Variants in SOX7 observed in about 807,000 individuals in gnomAD.
The protein encoded by SOX7 is transcription factor SOX-7.
In SOX7, 19 loss-of-function variants were observed where a neutral mutation model predicts 24.9. The ratio of observed to expected loss-of-function variants is 0.76; its 90% confidence interval spans 0.53 to 1.12. The LOEUF is 1.12. Among genes scored for constraint, SOX7 ranks in the 50% most tolerant of loss-of-function variants. SOX7 has a pLI of 0.00. For synonymous variants in SOX7, 327 were observed against 244.5 expected, an observed-to-expected ratio of 1.34 and a Z score of -3.15; for missense variants, 702 against 535.0, an observed-to-expected ratio of 1.31 and a Z score of -3.08.
At position 10,726,770 on chromosome 8, in the gene SOX7, TC is replaced by T; in HGVS notation, c.239-105del. On this transcript the variant is annotated intron_variant, in intron 1 of 1. Transcript: ENST00000304501. ...CGTGCACATGCACACACACCTCCCT[TC>T]CCCCTCCCAGCCACAGAGGACACGG... 1.9e-6 allele frequency: 2 copies of T among 1,061,196 alleles called. 1 individual carries two copies. The highest frequency in any genetic ancestry group is 5.3e-4 in the Middle Eastern group (2 of 3,744). 65.7% of individuals were successfully genotyped at this position (1,061,196 alleles called of 1,614,324 possible). A position where few individuals can be genotyped will look rare whatever the true frequency, so the allele number is the denominator to read the frequency against.
rs771409658 is a variant in SOX7 at position 10,730,177 on chromosome 8, C to A, written c.238+19G>T. The A allele has an allele frequency of 2.7e-6, 4 of 1,490,294 alleles. No individual in the cohort carries two copies. The highest frequency in any genetic ancestry group is 3.6e-6 in the Non-Finnish European group (4 of 1,125,436). The allele number at this position is 1,490,294 out of a possible 1,614,324, so 92.3% of individuals were successfully genotyped here. A position where few individuals can be genotyped will look rare whatever the true frequency, so the allele number is the denominator to read the frequency against. On this transcript the variant is annotated intron_variant, in intron 1 of 1. Coordinates refer to ENST00000304501, the MANE Select transcript of SOX7 (RefSeq NM_031439.4). This position sits in a 1 kb window ranked among gnomAD's most constrained non-coding sequence, Gnocchi z 4.8. Reference sequence around the variant, plus strand: ...GCCCGCCCCCGGCCCCCAGCCCGCTCGGCCGCGCGCTCACTCACCCAGCAT... The same window carrying A: ...GCCCGCCCCCGGCCCCCAGCCCGCTAGGCCGCGCGCTCACTCACCCAGCAT...
intron 1 of SOX7, among the ~76,000 whole-genome samples, chr8:10,727,780 C>T (rs1800184459): frequency 6.6e-6 from 1 of 152,160 alleles, no homozygotes; most frequent in Non-Finnish European, 1.5e-5. Context: ...TACCATGATG[C>T]TAATGTGTCC....
chr8:10,725,427 G>C lies in SOX7; in HGVS notation c.*311C>G. 2.6e-6 allele frequency: 1 copy of C among 388,178 alleles called. No homozygotes were observed. The highest frequency in any genetic ancestry group is 4.7e-6 in the Non-Finnish European group (1 of 214,456). 24.0% of individuals were successfully genotyped at this position (388,178 alleles called of 1,614,324 possible). ...TCAAGTCTGTCCCCCCATTAGTTTC[G>C]ATGATGGCTACCAAGAAAAGACGTC... On this transcript the variant is annotated 3_prime_UTR_variant, in exon 2 of 2. Coordinates refer to ENST00000304501, the MANE Select transcript of SOX7 (RefSeq NM_031439.4).
chr8:10,726,311 C>T lies in SOX7; in HGVS notation c.594G>A (p.Pro198=), dbSNP rs371859835. ...TTTCAGGAGGTGTGGGCAGCCCGTA[C>T]GGGTACGTGTCCACACTGCTCGGGG... is the stretch of plus-strand genomic sequence containing the variant. The part of the protein sequence containing the change: ...GGTPSSVDTY[P]YGLPTPPEMS... Residue 198 remains proline, a synonymous_variant, in exon 2 of 2, where the codon CCG becomes CCA. Transcript: ENST00000304501. 52 of 1,613,560 alleles carry T rather than the reference C, an allele frequency of 3.2e-5. No homozygotes were observed. Among genetic ancestry groups the T allele is most frequent in the Non-Finnish European group, 3.8e-5 (45 of 1,179,934 alleles).
chr8:10,730,468 G>C lies in SOX7; in HGVS notation c.-35C>G. On this transcript the variant is annotated 5_prime_UTR_variant, in exon 1 of 2. Transcript: ENST00000304501. The surrounding 1 kb of genome is among the most constrained non-coding windows in gnomAD (Gnocchi z 4.8). ...CGGGTCGCCTCGCTTCGCCTGGCGG[G>C]GCAGGCGCGGACCTGGCCCTCGCAC... is the stretch of plus-strand genomic sequence containing the variant. 1 of 1,392,258 alleles carries C rather than the reference G, an allele frequency of 7.2e-7. No homozygotes were observed. The highest frequency in any genetic ancestry group is 9.3e-7 in the Non-Finnish European group (1 of 1,071,424). 86.2% of individuals were successfully genotyped at this position (1,392,258 alleles called of 1,614,324 possible). A position where few individuals can be genotyped will look rare whatever the true frequency, so the allele number is the denominator to read the frequency against.
chr8:10,726,767 C>A, intron 1 of SOX7, 101 bp from the exon 2 acceptor site: 1 of 1,072,248 alleles, frequency 9.3e-7, no homozygotes, highest in Non-Finnish European at 1.3e-6. Context: ...CACACACCTC[C>A]CTTCCCCCTC....
rs1283330468 is a variant in SOX7 at position 10,726,234 on chromosome 8, C to G, written c.671G>C (p.Cys224Ser). Residue 224 changes from cysteine (C) to serine (S), a missense_variant, in exon 2 of 2, where the codon TGC becomes TCC. Coordinates refer to ENST00000304501, the MANE Select transcript of SOX7 (RefSeq NM_031439.4). ...EPEQTFFSSP[C>S]QEEHGHPRRI... The stretch of plus-strand genomic sequence containing the variant: ...GCGGGGATGGCCATGCTCCTCCTGG[C>G]AGGGGGAGGAGAAGAAGGTCTGCTC... 1 of 1,613,580 alleles carries G rather than the reference C, an allele frequency of 6.2e-7. No individual in the cohort carries two copies. The highest frequency in any genetic ancestry group is 1.1e-5 in the South Asian group (1 of 91,054).
At chr8:10,728,556 C>G (rs992204554) in intron 1 of SOX7, among the ~76,000 whole-genome samples, 6 of 152,242 alleles carry the variant, frequency 3.9e-5, no homozygotes, top group African/African-American at 1.4e-4. Context: ...AGGAAGGAAT[C>G]TGTGTCTTTT....
rs1800129087 is a variant in SOX7, at chr8:10,725,615, G to A, written c.*123C>T. 7.8e-6 allele frequency: 8 copies of A among 1,022,088 alleles called. No individual in the cohort carries two copies. Among genetic ancestry groups the A allele is most frequent in the South Asian group, 1.5e-5 (1 of 65,318 alleles). The allele number at this position is 1,022,088 out of a possible 1,614,324, so 63.3% of individuals were successfully genotyped here. A position where few individuals can be genotyped will look rare whatever the true frequency, so the allele number is the denominator to read the frequency against. On this transcript the variant is annotated 3_prime_UTR_variant, in exon 2 of 2. Coordinates refer to ENST00000304501, the MANE Select transcript of SOX7 (RefSeq NM_031439.4). ...AGCTTAGGCCAAAGGCTCTGGGGCC[G>A]CAGTTCAGACCTCCCTGCCCTGAGC...
intron 1 of SOX7, chr8:10,729,289 G>T (rs10089739): frequency 0.029 from 4,360 of 152,370 alleles, 75 homozygotes; most frequent in Middle Eastern, 0.084. Context: ...CCGGCCTCGG[G>T]TGCCCTTCTT....
At chr8:10,727,461 T>C (rs536759183) in intron 1 of SOX7, among the ~76,000 whole-genome samples, 2 of 152,228 alleles carry the variant, frequency 1.3e-5, no homozygotes, top group Admixed American at 1.3e-4. Flanking sequence ...CCCTGCACTT[T>C]CCAGAGTCTC....
chr8:10,728,635 A>G (rs1033850087), intron 1 of SOX7, among the ~76,000 whole-genome samples: 1 of 152,230 alleles, frequency 6.6e-6, no homozygotes, highest in Non-Finnish European at 1.5e-5. Context: ...CGCAGGAAGC[A>G]TCTGTCTCCT....
intron 1 of SOX7, 105 bp from the exon 2 acceptor site, chr8:10,726,771 C>T: frequency 1.9e-6 from 2 of 1,047,984 alleles, no homozygotes; most frequent in East Asian, 2.6e-5. Flanking sequence ...CACCTCCCTT[C>T]CCCCTCCCAG....
Position 10,725,844 on chromosome 8 carries a change from T to G in SOX7, c.1061A>C (p.His354Pro). 1 of 1,614,150 alleles carries G rather than the reference T, an allele frequency of 6.2e-7. No individual in the cohort carries two copies. Among genetic ancestry groups the G allele is most frequent in the East Asian group, 2.2e-5 (1 of 44,860 alleles). ...SATGAMALSG[H>P]VPVSQVTPTG... is the part of the protein sequence containing the mutation. ...TGGTGTCACCTGGGAGACCGGAACA[T>G]GCCCACTGAGGGCCATGGCCCCTGT... The change falls in exon 2 of 2, where the codon CAT becomes CCT. Residue 354 changes from histidine (H) to proline (P), a missense_variant. Physicochemically the swap from His to Pro is moderately conservative, Grantham distance 77. Coordinates refer to ENST00000304501, the MANE Select transcript of SOX7 (RefSeq NM_031439.4).
At chr8:10,728,888 A>T (rs895354955) in intron 1 of SOX7, among the ~76,000 whole-genome samples, 2 of 152,270 alleles carry the variant, frequency 1.3e-5, no homozygotes, top group Non-Finnish European at 2.9e-5. Flanking sequence ...CTGAAGAAAA[A>T]TATAAACTTA....
intron 1 of SOX7, chr8:10,729,359 C>G (rs1380942255): frequency 6.6e-6 from 1 of 152,142 alleles, no homozygotes; most frequent in Non-Finnish European, 1.5e-5. Flanking sequence ...CGGATTAAAA[C>G]GAATAAAAAC....
rs145950261 is a variant in SOX7 at position 10,724,657 on chromosome 8, G to C, written c.*1081C>G. On this transcript the variant is annotated 3_prime_UTR_variant, in exon 2 of 2. Coordinates refer to ENST00000304501, the MANE Select transcript of SOX7 (RefSeq NM_031439.4). ...ATATCTGATTTAGACTTTGAGTTTA[G>C]GAGTTGCATGAAGTGGGCATGTGTC... The C allele has an allele frequency of 3.3e-5, 5 of 152,064 alleles. No homozygotes were observed. The East Asian group carries it at 9.6e-4, about 29-fold the overall frequency. 9.4% of individuals were successfully genotyped at this position (152,064 alleles called of 1,614,324 possible). A position where few individuals can be genotyped will look rare whatever the true frequency, so the allele number is the denominator to read the frequency against.
In SOX7 at chr8:10,725,681, A is replaced by C; in HGVS notation, c.*57T>G. ...GGTGTGGCTGGACGGCTCCTCTGCC[A>C]CTCAAGGCACAAGAAGGAGAGGGCG... On this transcript the variant is annotated 3_prime_UTR_variant, in exon 2 of 2. Transcript: ENST00000304501. 1.3e-6 allele frequency: 2 copies of C among 1,586,222 alleles called. No individual in the cohort carries two copies. Among genetic ancestry groups the C allele is most frequent in the East Asian group, 4.5e-5 (2 of 44,656 alleles).
Position 10,725,096 on chromosome 8 carries a change from A to G in SOX7, c.*642T>C, listed in dbSNP as rs1196284349. The G allele has an allele frequency of 6.5e-6, 1 of 153,064 alleles. No homozygotes were observed. Among genetic ancestry groups the G allele is most frequent in the Non-Finnish European group, 1.5e-5 (1 of 68,672 alleles). The allele number at this position is 153,064 out of a possible 1,614,324, so 9.5% of individuals were successfully genotyped here. A position where few individuals can be genotyped will look rare whatever the true frequency, so the allele number is the denominator to read the frequency against. ...AAAAAAAAGAACTGCTTTAAAATGTATATTTAAAATAAAATAGTTTTAACT... is the reference window on the plus strand; with the variant it reads ...AAAAAAAAGAACTGCTTTAAAATGTGTATTTAAAATAAAATAGTTTTAACT... On this transcript the variant is annotated 3_prime_UTR_variant, in exon 2 of 2. Transcript: ENST00000304501.
Sources: gnomAD v4.1 joint callset for allele counts (sites outside exome capture counted in the v4.1 genomes callset) on GRCh38, gnomAD v4.1.1 for gene constraint, Gnocchi (gnomAD v3.1) non-coding constraint, MANE v1.5 for transcripts, NCBI Gene and HGNC (gene_info 2026-07-23, HGNC 2026-07-21) for gene names.